The following SEL1L3 variants were observed in gnomAD, a reference collection of about 807,000 sequenced individuals.
The protein encoded by SEL1L3 is SEL1L family member 3.
SEL1L3 carries 76 observed loss-of-function variants against 142.8 expected under a neutral mutation model. That is an observed-to-expected ratio of 0.53 (90% CI 0.44 to 0.64). The LOEUF is 0.64. Among genes scored for constraint, SEL1L3 ranks in the 30% least tolerant of loss-of-function variants. SEL1L3 has a pLI of 0.00. For missense variants in SEL1L3, 1,262 were observed against 1,381.7 expected (o/e 0.91, Z 1.37); for synonymous variants, 504 against 519.6 (o/e 0.97, Z 0.41).
intron 9 of SEL1L3, among the ~76,000 whole-genome samples, chr4:25,816,123 A>G (rs1166445841): frequency 1.4e-5 from 2 of 146,608 alleles, no homozygotes; most frequent in Non-Finnish European, 3.0e-5. Flanking sequence ...ATATTATATG[A>G]TATATTACAT....
chr4:25,793,275 G>A (rs1242984567), intron 11 of SEL1L3, among the ~76,000 whole-genome samples: 2 of 152,084 alleles, frequency 1.3e-5, no homozygotes, highest in African/African-American at 4.8e-5. Context: ...TGACTGTGAA[G>A]AGGAAACATG....
At position 25,775,522 on chromosome 4, in the gene SEL1L3, A is replaced by T. The variant is rs929620426; in HGVS notation, c.2669+755T>A. Among the ~76,000 whole-genome samples, 3 of 152,224 alleles carry T rather than the reference A, an allele frequency of 2.0e-5. No homozygotes were observed. In the East Asian group the frequency reaches 5.8e-4, roughly 29 times the overall value. On this transcript the variant is annotated intron_variant, in intron 17 of 23. Coordinates refer to ENST00000399878, the MANE Select transcript of SEL1L3 (RefSeq NM_015187.5). ...TAGTTATTACTGAAATATCCACATC[A>T]TTTAAGCAATAAAGCAGCCAAGAAA...
chr4:25,805,234 T>C (rs1044071987), intron 9 of SEL1L3, among the ~76,000 whole-genome samples: 1 of 152,200 alleles, frequency 6.6e-6, no homozygotes, highest in African/African-American at 2.4e-5. Context: ...GGTCTCCAAA[T>C]AAAAAGAATG....
Position 25,831,507 on chromosome 4 carries a change from A to AATT in SEL1L3, c.1099-1352_1099-1351insAAT, listed in dbSNP as rs1491330993. On this transcript the variant is annotated intron_variant, in intron 5 of 23. Coordinates refer to ENST00000399878, the MANE Select transcript of SEL1L3 (RefSeq NM_015187.5). ...ATTATTTTTAAATAATAATAATAAT[A>AATT]ATAATTATTATTATTATTATTATTA... Among the ~76,000 whole-genome samples, 4 of 112,200 alleles carry AATT rather than the reference A, an allele frequency of 3.6e-5. No individual in the cohort carries two copies. The East Asian group carries it at 8.9e-4, about 25-fold the overall frequency. The allele number at this position is 112,200 out of a possible 152,430, so 73.6% of individuals were successfully genotyped here.
intron 9 of SEL1L3, among the ~76,000 whole-genome samples, chr4:25,807,901 A>G (rs1312637418): frequency 6.6e-6 from 1 of 152,200 alleles, no homozygotes; most frequent in African/African-American, 2.4e-5. Context: ...TTTCTTTCGT[A>G]TGTGAAATTC....
intron 21 of SEL1L3, among the ~76,000 whole-genome samples, chr4:25,758,145 A>G (rs753551901): frequency 1.3e-5 from 2 of 152,236 alleles, no homozygotes; most frequent in African/African-American, 2.4e-5. Context: ...TTTAAAGCAC[A>G]GATGTAGGAA....
chr4:25,862,904 C>T lies in SEL1L3; in HGVS notation c.-68G>A. 9.9e-7 allele frequency: 1 copy of T among 1,009,320 alleles called. No individual in the cohort carries two copies. Among genetic ancestry groups the T allele is most frequent in the Non-Finnish European group, 1.2e-6 (1 of 844,498 alleles). 62.5% of individuals were successfully genotyped at this position (1,009,320 alleles called of 1,614,324 possible). On this transcript the variant is annotated 5_prime_UTR_variant, in exon 1 of 24. Coordinates refer to ENST00000399878, the MANE Select transcript of SEL1L3 (RefSeq NM_015187.5). ...CAGGGACCGGCCCCCGCCCGAGGCGCCACCTTCCCGCCCGCCCCCGGCCGG... is the reference window on the plus strand; with the variant it reads ...CAGGGACCGGCCCCCGCCCGAGGCGTCACCTTCCCGCCCGCCCCCGGCCGG...
chr4:25,765,751 A>T (rs1025508207), intron 19 of SEL1L3, among the ~76,000 whole-genome samples: 1 of 151,612 alleles, frequency 6.6e-6, no homozygotes, highest in African/African-American at 2.4e-5. Context: ...TGATCCTTCC[A>T]CCTCAGCCTC....
intron 20 of SEL1L3, among the ~76,000 whole-genome samples, chr4:25,761,225 G>A (rs1275733998): frequency 6.6e-6 from 1 of 151,492 alleles, no homozygotes; most frequent in Admixed American, 6.6e-5. Context: ...GTGTGATCTC[G>A]GCTCAGTGCA....
intron 15 of SEL1L3, among the ~76,000 whole-genome samples, chr4:25,781,586 T>C (rs1720005695): frequency 1.3e-5 from 2 of 152,162 alleles, no homozygotes; most frequent in Admixed American, 6.5e-5. Flanking sequence ...TTATCAACAT[T>C]ATTATTAATA....
At chr4:25,823,337 G>A (rs777236302) in intron 6 of SEL1L3, among the ~76,000 whole-genome samples, 10 of 152,018 alleles carry the variant, frequency 6.6e-5, no homozygotes, top group Non-Finnish European at 1.2e-4. Flanking sequence ...CCAACATGGT[G>A]AAGCCCATCT....
intron 12 of SEL1L3, among the ~76,000 whole-genome samples, chr4:25,789,096 T>G (rs2871176): frequency 0.68 from 103,695 of 151,714 alleles, 36,673 homozygotes; most frequent in African/African-American, 0.87. Flanking sequence ...ACCAAGGACA[T>G]ATGCCCAGGA....
At chr4:25,728,880 A>T in the SEL1L3 span, among the ~76,000 whole-genome samples, 2 of 150,522 alleles carry the variant, frequency 1.3e-5, no homozygotes, top group Non-Finnish European at 1.5e-5. Context: ...AAAAAAAAAG[A>T]AAAGTAAAAT....
downstream of SEL1L3, among the ~76,000 whole-genome samples, chr4:25,746,280 G>A (rs1174571278): frequency 1.3e-5 from 2 of 151,874 alleles, no homozygotes; most frequent in Non-Finnish European, 2.9e-5. Context: ...CACTTTGGGA[G>A]GCTGAGGCAG....
chr4:25,817,887 C>T (rs556457636), intron 9 of SEL1L3, among the ~76,000 whole-genome samples: 4 of 152,258 alleles, frequency 2.6e-5, no homozygotes, highest in East Asian at 3.9e-4. Context: ...ATCCATTTGC[C>T]GCCTTGGCTT....
chr4:25,756,656 C>A, intron 23 of SEL1L3: 1 of 1,017,808 alleles, frequency 9.8e-7, no homozygotes, highest in Non-Finnish European at 1.2e-6. Flanking sequence ...GCAAGCAGGG[C>A]TCCCTTGTCC....
At chr4:25,800,462 A>G (rs1456943604) in intron 11 of SEL1L3, among the ~76,000 whole-genome samples, 1 of 152,204 alleles carries the variant, frequency 6.6e-6, no homozygotes, top group Non-Finnish European at 1.5e-5. Flanking sequence ...TTCTTTCGCA[A>G]TCATAACATT....
chr4:25,838,300 C>T (rs948470847), intron 2 of SEL1L3, among the ~76,000 whole-genome samples: 15 of 152,140 alleles, frequency 9.9e-5, no homozygotes, highest in Non-Finnish European at 1.6e-4. Flanking sequence ...ACATAGAATG[C>T]CAGGAAAACA....
rs375511479 is a variant in SEL1L3 at position 25,858,999 on chromosome 4, A to G, written c.162+3676T>C. Among the ~76,000 whole-genome samples, 18 of 152,334 alleles carry G rather than the reference A, an allele frequency of 1.2e-4. No homozygotes were observed. The South Asian group carries it at 3.7e-3, about 32-fold the overall frequency. On this transcript the variant is annotated intron_variant, in intron 1 of 23. Transcript: ENST00000399878. The stretch of plus-strand genomic sequence containing the variant: ...TGACATCAATACTGGCCATCCTGAG[A>G]TTTATCTTTTCATATAAGAAAATAT...
Sources: allele counts gnomAD v4.1 joint callset (sites outside exome capture counted in the v4.1 genomes callset), GRCh38; gene constraint gnomAD v4.1.1; transcripts MANE v1.5; gene names NCBI Gene and HGNC (gene_info 2026-07-23, HGNC 2026-07-21).